The following NEGR1 variants were observed in gnomAD, a reference collection of about 807,000 sequenced individuals.
The protein encoded by NEGR1 is neuronal growth regulator 1, also known as IgLON family member 4.
NEGR1 carries 10 observed loss-of-function variants against 40.9 expected under a neutral mutation model. That is an observed-to-expected ratio of 0.24 (90% CI 0.15 to 0.42). The LOEUF is 0.42. Ranked by LOEUF, NEGR1 falls within the 10% of genes least tolerant of loss-of-function variation. The probability of loss-of-function intolerance (pLI) is 1.00; values close to 1 mark genes in which losing one functional copy is unlikely to be tolerated. For synonymous variants in NEGR1, 185 were observed against 166.8 expected (o/e 1.11, Z -0.84); for missense variants, 352 against 438.9 (o/e 0.80, Z 1.77).
intron 1 of NEGR1, among the ~76,000 whole-genome samples, chr1:71,983,950 A>C (rs1343555953): frequency 8.5e-6 from 1 of 117,694 alleles, no homozygotes; most frequent in Non-Finnish European, 2.0e-5. Context: ...TTGTTCTACC[A>C]GTCATAGAAT....
chr1:71,877,397 G>A (rs565684609), intron 2 of NEGR1, among the ~76,000 whole-genome samples: 6 of 152,212 alleles, frequency 3.9e-5, no homozygotes, highest in East Asian at 1.9e-4. Flanking sequence ...CAAGGCGTGG[G>A]CAGGTTTGGT....
chr1:71,534,193 C>T (rs985966576), intron 6 of NEGR1, among the ~76,000 whole-genome samples: 1 of 151,674 alleles, frequency 6.6e-6, no homozygotes, highest in African/African-American at 2.4e-5. Context: ...TTTCCAGTCC[C>T]TTTGGAACTC....
At chr1:71,905,256 T>C (rs1300608842) in intron 2 of NEGR1, among the ~76,000 whole-genome samples, 1 of 152,082 alleles carries the variant, frequency 6.6e-6, no homozygotes, top group Non-Finnish European at 1.5e-5. Flanking sequence ...TAGAAATATT[T>C]TATTAGTTTT....
At chr1:71,869,545 G>A (rs1182541704) in intron 2 of NEGR1, among the ~76,000 whole-genome samples, 1 of 152,170 alleles carries the variant, frequency 6.6e-6, no homozygotes, top group East Asian at 1.9e-4. Context: ...GATGGATACT[G>A]ATTGCTAGAT....
At chr1:71,962,809 T>C (rs927411878) in intron 1 of NEGR1, among the ~76,000 whole-genome samples, 5 of 151,430 alleles carry the variant, frequency 3.3e-5, no homozygotes, top group South Asian at 2.1e-4. Flanking sequence ...TTGTTCTTCA[T>C]CTCAACTGAA....
At chr1:72,259,661 T>C (rs9424977) in intron 1 of NEGR1, among the ~76,000 whole-genome samples, 72,047 of 151,784 alleles carry the variant, frequency 0.47, 17,754 homozygotes, top group African/African-American at 0.54. Context: ...AAAGCTATTA[T>C]GGAAAGGGAG....
At chr1:71,505,092 T>C (rs1647023249) in intron 6 of NEGR1, among the ~76,000 whole-genome samples, 1 of 152,102 alleles carries the variant, frequency 6.6e-6, no homozygotes, top group Non-Finnish European at 1.5e-5. Context: ...AAAAAAGGTC[T>C]CCAACCGTTA....
At chr1:71,887,076 A>G (rs765066192) in intron 2 of NEGR1, among the ~76,000 whole-genome samples, 1 of 152,246 alleles carries the variant, frequency 6.6e-6, no homozygotes, top group African/African-American at 2.4e-5. Context: ...TTTGTATGTT[A>G]TAGGTATTAT....
intron 1 of NEGR1, among the ~76,000 whole-genome samples, chr1:72,245,966 TA>T (rs1253547144): frequency 4.6e-5 from 7 of 152,152 alleles, no homozygotes; most frequent in Non-Finnish European, 7.4e-5. Context: ...ATACAACATT[TA>T]AAAAATATCT....
rs1417243608 is a variant in NEGR1 at position 71,905,139 on chromosome 1, T to C, written c.409+29940A>G. Among the ~76,000 whole-genome samples, 5 of 152,250 alleles carry C rather than the reference T, an allele frequency of 3.3e-5. No individual in the cohort carries two copies. The East Asian group carries it at 9.6e-4, about 29-fold the overall frequency. On this transcript the variant is annotated intron_variant, in intron 2 of 6. Transcript: ENST00000357731. The stretch of plus-strand genomic sequence containing the variant: ...AATCCACTGTTTTGGTTGAGATATC[T>C]GGAAAAATACTTGAAGTGTCAATTA...
intron 1 of NEGR1, among the ~76,000 whole-genome samples, chr1:72,013,605 T>C (rs1235877380): frequency 1.3e-5 from 2 of 152,154 alleles, no homozygotes; most frequent in South Asian, 2.1e-4. Context: ...GTAATATAAA[T>C]CAACTGTAAA....
chr1:71,680,105 G>T lies in NEGR1; in HGVS notation c.667+17903C>A, dbSNP rs570992600. Among the ~76,000 whole-genome samples, 165 of 151,724 alleles carry T rather than the reference G, an allele frequency of 1.1e-3. 1 individual carries two copies. Among genetic ancestry groups the T allele is most frequent in the African/African-American group, 3.9e-3 (161 of 41,424 alleles). ...TTCCTTCTAATCTCAAATAATTTTA[G>T]TTATCAAATTATTAGAGCCTCATAA... On this transcript the variant is annotated intron_variant, in intron 4 of 6. Transcript: ENST00000357731.
At chr1:71,990,807 C>G (rs1361090184) in intron 1 of NEGR1, among the ~76,000 whole-genome samples, 4 of 151,910 alleles carry the variant, frequency 2.6e-5, no homozygotes. Flanking sequence ...GTTCTTTTCA[C>G]TCTGCATTTT....
chr1:72,137,427 G>A (rs1041586554), intron 1 of NEGR1, among the ~76,000 whole-genome samples: 3 of 152,164 alleles, frequency 2.0e-5, no homozygotes, highest in Admixed American at 1.3e-4. Flanking sequence ...AAAAAAGGAT[G>A]AGTTTGTGTC....
At chr1:71,773,613 G>T (rs1473510797) in intron 3 of NEGR1, among the ~76,000 whole-genome samples, 1 of 152,136 alleles carries the variant, frequency 6.6e-6, no homozygotes, top group Non-Finnish European at 1.5e-5. Context: ...TCCTTTAGGT[G>T]CTGTGAATTT....
At chr1:71,753,957 G>A (rs545094192) in intron 3 of NEGR1, among the ~76,000 whole-genome samples, 64 of 151,138 alleles carry the variant, frequency 4.2e-4, no homozygotes, top group African/African-American at 1.4e-3. Flanking sequence ...ACTGCCAGGT[G>A]ACAGTCCCAG....
At chr1:72,099,289 A>C (rs186623962) in intron 1 of NEGR1, among the ~76,000 whole-genome samples, 205 of 152,102 alleles carry the variant, frequency 1.3e-3, no homozygotes, top group African/African-American at 4.8e-3. Flanking sequence ...ATTTCAAAGA[A>C]TACAATTGCT....
intron 6 of NEGR1, among the ~76,000 whole-genome samples, chr1:71,441,696 G>A (rs534423554): frequency 6.6e-6 from 1 of 152,114 alleles, no homozygotes; most frequent in South Asian, 2.1e-4. Context: ...TTAGAAAATG[G>A]GAATTTATGT....
intron 1 of NEGR1, among the ~76,000 whole-genome samples, chr1:72,266,958 AAGAAGTAATCATGTTATC>A (rs1655667776): frequency 6.6e-6 from 1 of 151,120 alleles, no homozygotes; most frequent in Non-Finnish European, 1.5e-5. Context: ...CCGGAGGGTA[AAGAAGTAATCATGTTATC>A]AGAAAACTTT....
Sources: allele counts gnomAD v4.1 joint callset (sites outside exome capture counted in the v4.1 genomes callset), GRCh38; gene constraint gnomAD v4.1.1; transcripts MANE v1.5; gene names NCBI Gene and HGNC (gene_info 2026-07-23, HGNC 2026-07-21).